The following DGKD variants were observed in gnomAD, a reference collection of about 807,000 sequenced individuals.
DGKD encodes DAG kinase delta.
Under a neutral mutation model 154.4 loss-of-function variants are expected in DGKD, and 68 were observed. The ratio of observed to expected loss-of-function variants is 0.44; its 90% CI spans 0.36 to 0.54. The LOEUF is 0.54. Among genes scored for constraint, DGKD ranks in the 20% least tolerant of loss-of-function variants. The pLI is 0.00. For synonymous variants in DGKD, 693 were observed against 638.0 expected (o/e 1.09, Z -1.30); for missense variants, 1,343 against 1,593.6 (o/e 0.84, Z 2.68).
chr2:233,392,669 A>G (rs1023724883), intron 3 of DGKD, among the ~76,000 whole-genome samples: 2 of 152,200 alleles, frequency 1.3e-5, no homozygotes, highest in Non-Finnish European at 2.9e-5. Flanking sequence ...AGTTCGAGAG[A>G]ATTTATTTTA....
At chr2:233,436,532 T>C in intron 7 of DGKD, 91 bp downstream of exon 7, 1 of 1,493,332 alleles carries the variant, frequency 6.7e-7, no homozygotes, top group East Asian at 2.4e-5. Context: ...ATCTGCTGGA[T>C]CCTGGTAAAT....
chr2:233,447,934 G>T, intron 12 of DGKD, 153 bp from the exon 13 acceptor site: 1 of 1,475,316 alleles, frequency 6.8e-7, no homozygotes, highest in Non-Finnish European at 8.9e-7. Flanking sequence ...TTAGAAGTGA[G>T]TTGAGGCTTG....
intron 17 of DGKD, among the ~76,000 whole-genome samples, chr2:233,451,323 G>A (rs1465774289): frequency 1.3e-5 from 2 of 151,944 alleles, no homozygotes; most frequent in Non-Finnish European, 1.5e-5. Context: ...GGGGTTGGAA[G>A]AATTAAGGAA....
intron 9 of DGKD, among the ~76,000 whole-genome samples, chr2:233,439,186 C>T (rs116494293): frequency 2.0e-5 from 3 of 152,356 alleles, no homozygotes; most frequent in African/African-American, 4.8e-5. Context: ...CTGGCACTGC[C>T]GGAGATGTCC....
intron 1 of DGKD, among the ~76,000 whole-genome samples, chr2:233,355,414 G>C (rs1226389901): frequency 6.6e-6 from 1 of 152,254 alleles, no homozygotes; most frequent in Non-Finnish European, 1.5e-5. Flanking sequence ...TTTGCTCCAG[G>C]TGAGCCCGCC....
chr2:233,454,729 G>A (rs1398070891), intron 18 of DGKD, 34 bp from the exon 19 acceptor site: 1 of 1,285,636 alleles, frequency 7.8e-7, no homozygotes, highest in Non-Finnish European at 1.1e-6. Context: ...GCTCAGCAGG[G>A]CTGTTGTAAT....
intron 3 of DGKD, among the ~76,000 whole-genome samples, chr2:233,406,801 G>A (rs931776638): frequency 2.6e-5 from 4 of 152,076 alleles, no homozygotes; most frequent in Admixed American, 6.6e-5. Context: ...GCACTTCTGC[G>A]GACATCCTCC....
chr2:233,404,309 A>G (rs1339220072), intron 3 of DGKD, among the ~76,000 whole-genome samples: 1 of 152,176 alleles, frequency 6.6e-6, no homozygotes, highest in Non-Finnish European at 1.5e-5. Context: ...AGAATGTTTC[A>G]GTTTTTCCTG....
intron 14 of DGKD, 68 bp downstream of exon 14, chr2:233,448,443 G>A (rs2063156938): frequency 2.1e-6 from 3 of 1,416,848 alleles, no homozygotes; most frequent in South Asian, 1.2e-5. Context: ...CACCAGCAGA[G>A]GGCCGTGACT....
chr2:233,435,748 A>G, intron 5 of DGKD, 70 bp from the exon 6 acceptor site: 3 of 1,466,656 alleles, frequency 2.0e-6, no homozygotes, highest in Non-Finnish European at 2.8e-6. Flanking sequence ...CGGTTCTCAC[A>G]ACACTGCTCA....
At chr2:233,393,716 C>A (rs1703801814) in intron 3 of DGKD, among the ~76,000 whole-genome samples, 1 of 138,994 alleles carries the variant, frequency 7.2e-6, no homozygotes, top group African/African-American at 2.8e-5. Context: ...TGGAGTCTTG[C>A]TCCGTTGCCC....
chr2:233,461,018 T>TAA lies in DGKD; in HGVS notation c.2981+690_2981+691dup, dbSNP rs750014036. 5.4e-3 allele frequency among the ~76,000 whole-genome samples: 736 copies of TAA among 137,560 alleles called. 5 individuals carry two copies. The highest frequency in any genetic ancestry group is 0.012 in the African/African-American group (474 of 37,950). The allele number at this position is 137,560 out of a possible 152,430, so 90.2% of individuals were successfully genotyped here. The stretch of plus-strand genomic sequence containing the variant: ...TTGCTCTTTGTTCTCAAGTTTACTT[T>TAA]AAAAAAAAAAAAAAAAAAGACAACT... On this transcript the variant is annotated intron_variant, in intron 24 of 29. Coordinates refer to ENST00000264057, the MANE Select transcript of DGKD (RefSeq NM_152879.3).
intron 17 of DGKD, 29 bp from the exon 18 acceptor site, chr2:233,451,935 A>G: frequency 3.1e-6 from 5 of 1,605,724 alleles, no homozygotes; most frequent in Non-Finnish European, 4.3e-6. Context: ...CCTGACCAGC[A>G]CCACCTCTTT....
chr2:233,402,973 A>T (rs957075212), intron 3 of DGKD, among the ~76,000 whole-genome samples: 3 of 152,138 alleles, frequency 2.0e-5, no homozygotes, highest in African/African-American at 7.2e-5. Context: ...AGTAGAGTGG[A>T]AGAAGGTACA....
intron 3 of DGKD, among the ~76,000 whole-genome samples, chr2:233,433,900 T>TGC (rs1219111809): frequency 6.6e-6 from 1 of 152,252 alleles, no homozygotes; most frequent in African/African-American, 2.4e-5. Context: ...GTTCAGGTCC[T>TGC]GCATAGTCTG....
rs1409312810 is a variant in DGKD, at chr2:233,458,188, G to A, written c.2581-96G>A. On this transcript the variant is annotated intron_variant, in intron 21 of 29. Coordinates refer to ENST00000264057, the MANE Select transcript of DGKD (RefSeq NM_152879.3). This position sits in a 1 kb window ranked among gnomAD's most constrained non-coding sequence, Gnocchi z 6.6. ...TTACCTGGTAACTTCTCGCCAGCTAGGAGGGGCTGACCCCCAGAGGGAGGG... is the reference window on the plus strand; with the variant it reads ...TTACCTGGTAACTTCTCGCCAGCTAAGAGGGGCTGACCCCCAGAGGGAGGG... The A allele has an allele frequency of 8.3e-6, 6 of 723,984 alleles. No homozygotes were observed. Among genetic ancestry groups the A allele is most frequent in the Non-Finnish European group, 1.4e-5 (6 of 426,050 alleles). 44.8% of individuals were successfully genotyped at this position (723,984 alleles called of 1,614,324 possible). A position where few individuals can be genotyped will look rare whatever the true frequency, so the allele number is the denominator to read the frequency against.
rs145196596 is a variant in DGKD at position 233,389,128 on chromosome 2, G to T, written c.267+761G>T. 473 of 152,468 alleles carry T rather than the reference G, an allele frequency of 3.1e-3. 4 individuals are homozygous for T. Among genetic ancestry groups the T allele is most frequent in the Non-Finnish European group, 4.6e-3 (311 of 68,126 alleles). 9.4% of individuals were successfully genotyped at this position (152,468 alleles called of 1,614,324 possible). On this transcript the variant is annotated intron_variant, in intron 2 of 29. Coordinates refer to ENST00000264057, the MANE Select transcript of DGKD (RefSeq NM_152879.3). Reference sequence around the variant, plus strand: ...AATCTGCCCGCCTTGGCCTCCCAAGGTGCTGGGATTACAGGCATGAGCCAC... The same window carrying T: ...AATCTGCCCGCCTTGGCCTCCCAAGTTGCTGGGATTACAGGCATGAGCCAC...
At chr2:233,370,492 C>T (rs1702254860) in intron 1 of DGKD, among the ~76,000 whole-genome samples, 1 of 151,922 alleles carries the variant, frequency 6.6e-6, no homozygotes, top group South Asian at 2.1e-4. Context: ...CCTGGGATTA[C>T]ATGCGTGAGC....
chr2:233,434,907 G>T lies in DGKD; in HGVS notation c.586+6G>T. ...GCACGGGCTGTCCTGCGAGGGTACGGATGTGCGTTTGTTATTCTGTCAGGA... is the reference window on the plus strand; with the variant it reads ...GCACGGGCTGTCCTGCGAGGGTACGTATGTGCGTTTGTTATTCTGTCAGGA... On this transcript the variant is annotated splice_donor_region_variant and intron_variant, in intron 5 of 29. Coordinates refer to ENST00000264057, the MANE Select transcript of DGKD (RefSeq NM_152879.3). The T allele has an allele frequency of 6.2e-7, 1 of 1,605,874 alleles. No homozygotes were observed. Among genetic ancestry groups the T allele is most frequent in the Non-Finnish European group, 8.5e-7 (1 of 1,176,208 alleles).
Sources: allele counts gnomAD v4.1 joint callset (sites outside exome capture counted in the v4.1 genomes callset), GRCh38; gene constraint gnomAD v4.1.1; non-coding constraint Gnocchi (gnomAD v3.1); transcripts MANE v1.5; gene names NCBI Gene and HGNC (gene_info 2026-07-23, HGNC 2026-07-21).